NLRP11: variants seen among roughly 807,000 people sequenced by gnomAD.
NLRP11 encodes NACHT, LRR and PYD domains-containing protein 11.
In NLRP11, 53 loss-of-function variants were observed where a neutral mutation model predicts 79.3. The observed-to-expected ratio is 0.67, with a 90% CI of 0.54 to 0.84. NLRP11 has a LOEUF of 0.84. NLRP11 is among the 40% of genes least tolerant of loss of function. NLRP11 has a pLI of 0.00. For synonymous variants in NLRP11, 518 were observed against 462.6 expected, an observed-to-expected ratio of 1.12 and a Z score of -1.54; for missense variants, 1,264 against 1,255.0, an observed-to-expected ratio of 1.01 and a Z score of -0.11.
chr19:55,816,699 G>A (rs1981147965), intron 2 of NLRP11, among the ~76,000 whole-genome samples: 1 of 152,112 alleles, frequency 6.6e-6, no homozygotes, highest in South Asian at 2.1e-4. Context: ...TTTACACAGA[G>A]CCCCTACTTT....
rs1981575923 is a variant in NLRP11, at chr19:55,820,440, GAGA to G, written c.-62-2207_-62-2205del. ...AGTCAGTGGCAGGGGATAGACAAAT[GAGA>G]AGGTTAACTAGAAAATCCCACTGAA... is the stretch of plus-strand genomic sequence containing the variant. On this transcript the variant is annotated intron_variant, in intron 1 of 9. Transcript: ENST00000589093. Among the ~76,000 whole-genome samples, 4 of 152,216 alleles carry G rather than the reference GAGA, an allele frequency of 2.6e-5. No homozygotes were observed. In the South Asian group the frequency reaches 8.3e-4, roughly 32 times the overall value.
At chr19:55,793,714 G>A (rs1391323045) in intron 6 of NLRP11, among the ~76,000 whole-genome samples, 2 of 152,090 alleles carry the variant, frequency 1.3e-5, no homozygotes, top group Admixed American at 6.6e-5. Flanking sequence ...ACAGCTGCAA[G>A]CTTAGAATGA....
At chr19:55,786,303 C>A (rs1989875174) in intron 9 of NLRP11, among the ~76,000 whole-genome samples, 2 of 152,146 alleles carry the variant, frequency 1.3e-5, no homozygotes, top group Non-Finnish European at 1.5e-5. Flanking sequence ...GCAGGCAGAT[C>A]ACTTGAGCTC....
intron 5 of NLRP11, among the ~76,000 whole-genome samples, chr19:55,799,545 G>A (rs898832767): frequency 3.3e-5 from 5 of 152,136 alleles, no homozygotes; most frequent in African/African-American, 1.2e-4. Context: ...GTTCCAAGAT[G>A]AAAGGAGTTT....
intron 4 of NLRP11, among the ~76,000 whole-genome samples, chr19:55,806,932 C>T (rs1980053143): frequency 6.6e-6 from 1 of 152,118 alleles, no homozygotes; most frequent in African/African-American, 2.4e-5. Context: ...TTGCTCAAAT[C>T]TCACTTTCTC....
chr19:55,821,149 T>G (rs1257344098), intron 1 of NLRP11, among the ~76,000 whole-genome samples: 1 of 151,920 alleles, frequency 6.6e-6, no homozygotes, highest in Non-Finnish European at 1.5e-5. Context: ...GTTTAATGCA[T>G]ATTTTGGAAT....
intron 1 of NLRP11, among the ~76,000 whole-genome samples, chr19:55,827,070 T>C (rs915729021): frequency 1.4e-5 from 2 of 144,438 alleles, no homozygotes; most frequent in African/African-American, 5.4e-5. Flanking sequence ...AACAGAGATA[T>C]AGATCAATGG....
intron 6 of NLRP11, among the ~76,000 whole-genome samples, chr19:55,795,396 G>A (rs1030450510): frequency 2.6e-5 from 4 of 152,192 alleles, no homozygotes; most frequent in Admixed American, 6.5e-5. Context: ...CCCAGTTCAC[G>A]TGTTCACTGT....
In NLRP11 at chr19:55,810,013, C is replaced by A. The variant is rs1311168311; in HGVS notation, c.597G>T (p.Leu199Phe). Residue 199 changes from leucine to phenylalanine, a missense_variant, in exon 3 of 10, where the codon TTG (leucine) becomes TTT (phenylalanine). Coordinates refer to ENST00000589093, the Ensembl canonical transcript of NLRP11. ...GCCAGTCCTTGGCGATTAGCTCAGC[C>A]AAGCTGCTGTTGGTCATCTGGTTTA... is the stretch of plus-strand genomic sequence containing the variant. The A allele has an allele frequency of 1.9e-6, 3 of 1,614,090 alleles. No homozygotes were observed. Among genetic ancestry groups the A allele is most frequent in the Non-Finnish European group, 2.5e-6 (3 of 1,180,042 alleles).
At chr19:55,818,349 A>G in intron 1 of NLRP11, 113 bp from the exon 2 acceptor site, 1 of 603,512 alleles carries the variant, frequency 1.7e-6, no homozygotes, top group Non-Finnish European at 2.9e-6. Context: ...CTGATAGGCC[A>G]TCAACGATAA....
exon 3 of NLRP11, chr19:55,810,108 A>G: frequency 3.1e-6 from 5 of 1,614,172 alleles, no homozygotes; most frequent in Non-Finnish European, 4.2e-6. Context: ...ATCCACCTCA[A>G]CACAGCCAGA....
chr19:55,794,193 C>A (rs946981235), intron 6 of NLRP11, among the ~76,000 whole-genome samples: 1 of 151,896 alleles, frequency 6.6e-6, no homozygotes, highest in African/African-American at 2.4e-5. Context: ...TCTAAATATG[C>A]ATAAAAAACA....
chr19:55,803,544 C>T (rs78211721), intron 4 of NLRP11, among the ~76,000 whole-genome samples: 4,488 of 152,114 alleles, frequency 0.03, 242 homozygotes, highest in African/African-American at 0.1. Context: ...GGGAGAAAAC[C>T]TTTGCAAACA....
intron 1 of NLRP11, among the ~76,000 whole-genome samples, chr19:55,819,453 C>T (rs1378588274): frequency 6.6e-6 from 1 of 152,182 alleles, no homozygotes; most frequent in Non-Finnish European, 1.5e-5. Flanking sequence ...TATCATTACA[C>T]TCCGTCACGA....
chr19:55,820,754 T>A (rs553959419), intron 1 of NLRP11, among the ~76,000 whole-genome samples: 2 of 152,284 alleles, frequency 1.3e-5, no homozygotes, highest in East Asian at 3.9e-4. Flanking sequence ...GGTTTCTAGG[T>A]CTATATTTGC....
At chr19:55,798,797 G>T (rs1277261913) in intron 5 of NLRP11, among the ~76,000 whole-genome samples, 1 of 151,994 alleles carries the variant, frequency 6.6e-6, no homozygotes, top group Non-Finnish European at 1.5e-5. Flanking sequence ...CAAACTAGAT[G>T]AAAGTTGCCC....
intron 6 of NLRP11, among the ~76,000 whole-genome samples, chr19:55,794,935 G>A (rs8106437): frequency 0.41 from 61,530 of 151,630 alleles, 12,759 homozygotes; most frequent in African/African-American, 0.45. Context: ...AAAAGGGGGC[G>A]AAAGGAGCTA....
At chr19:55,790,280 T>G (rs1990158302) in intron 7 of NLRP11, among the ~76,000 whole-genome samples, 1 of 152,218 alleles carries the variant, frequency 6.6e-6, no homozygotes, top group South Asian at 2.1e-4. Flanking sequence ...AGGGGCCAGA[T>G]AATAGTTTAG....
rs186551098 is a variant in NLRP11, at chr19:55,830,360, T to C, written c.-63+1603A>G. Reference sequence around the variant, plus strand: ...ACTGTATTTCTTTCTAGTGATATGTTTGTCTAATAAAGTAGTTACCTTTAG... The same window carrying C: ...ACTGTATTTCTTTCTAGTGATATGTCTGTCTAATAAAGTAGTTACCTTTAG... On this transcript the variant is annotated intron_variant, in intron 1 of 9. Transcript: ENST00000589093. 3.3e-5 allele frequency among the ~76,000 whole-genome samples: 5 copies of C among 152,324 alleles called. No homozygotes were observed. The East Asian group carries it at 7.7e-4, about 24-fold the overall frequency.
Sources: allele counts gnomAD v4.1 joint callset (sites outside exome capture counted in the v4.1 genomes callset), GRCh38; gene constraint gnomAD v4.1.1; transcripts MANE v1.5; gene names NCBI Gene and HGNC (gene_info 2026-07-23, HGNC 2026-07-21).